Variants in MAP2 observed in about 807,000 individuals in gnomAD.
The protein encoded by MAP2 is microtubule-associated protein 2.
MAP2 carries 14 observed loss-of-function variants against 137.6 expected under a neutral mutation model. That is an observed-to-expected ratio of 0.10 (90% CI 0.07 to 0.16). The LOEUF is 0.16. MAP2 is among the 10% of genes least tolerant of loss of function. The pLI is 1.00. For synonymous variants in MAP2, 786 were observed against 782.3 expected, an observed-to-expected ratio of 1.00 and a Z score of -0.08; for missense variants, 2,088 against 2,191.5, an observed-to-expected ratio of 0.95 and a Z score of 0.94.
chr2:209,453,788 C>T (rs1700837297), intron 1 of MAP2, among the ~76,000 whole-genome samples: 1 of 152,014 alleles, frequency 6.6e-6, no homozygotes, highest in Admixed American at 6.6e-5. Context: ...ACATGAGTCA[C>T]TATCTTAATG....
intron 3 of MAP2, among the ~76,000 whole-genome samples, chr2:209,608,680 A>C (rs1045997517): frequency 6.6e-6 from 1 of 152,148 alleles, no homozygotes; most frequent in African/African-American, 2.4e-5. Flanking sequence ...GTGAAACACA[A>C]CTAATTATAT....
intron 1 of MAP2, among the ~76,000 whole-genome samples, chr2:209,492,225 G>T (rs1042767333): frequency 6.6e-6 from 1 of 152,156 alleles, no homozygotes; most frequent in Non-Finnish European, 1.5e-5. Context: ...AAAGGCCTTT[G>T]ATAAAATTCA....
Position 209,716,270 on chromosome 2 carries a change from T to C in MAP2, c.5073+6016T>C, listed in dbSNP as rs77261866. Among the ~76,000 whole-genome samples the C allele has an allele frequency of 7.6e-3, 1,151 of 152,328 alleles. 17 individuals carry two copies. The highest frequency in any genetic ancestry group is 0.026 in the African/African-American group (1,070 of 41,576). ...CATTTTGTCCATAATGTCCCATACA[T>C]AGTAGGTGCTCAATAAATATGCAGT... On this transcript the variant is annotated intron_variant, in intron 13 of 15. Transcript: ENST00000682079.
At chr2:209,601,858 A>G (rs1343976422) in intron 3 of MAP2, among the ~76,000 whole-genome samples, 1 of 152,220 alleles carries the variant, frequency 6.6e-6, no homozygotes, top group Non-Finnish European at 1.5e-5. Flanking sequence ...TGATTTTTAA[A>G]GTCTCACCCT....
At chr2:209,495,624 A>G (rs1470276880) in intron 1 of MAP2, among the ~76,000 whole-genome samples, 1 of 152,236 alleles carries the variant, frequency 6.6e-6, no homozygotes, top group Non-Finnish European at 1.5e-5. Flanking sequence ...ACTAACAAAC[A>G]GAAAGGTACT....
At chr2:209,455,856 C>T (rs555328255) in intron 1 of MAP2, among the ~76,000 whole-genome samples, 5 of 152,236 alleles carry the variant, frequency 3.3e-5, no homozygotes, top group South Asian at 2.1e-4. Flanking sequence ...ATTATCCTTG[C>T]GAGTACTAGC....
chr2:209,523,860 C>T (rs181399246), intron 2 of MAP2, among the ~76,000 whole-genome samples: 44 of 152,136 alleles, frequency 2.9e-4, no homozygotes, highest in African/African-American at 1.0e-3. Context: ...TTTTGAAAAG[C>T]GATGACTAAC....
intron 6 of MAP2, among the ~76,000 whole-genome samples, chr2:209,679,626 A>C (rs2053656487): frequency 6.6e-6 from 1 of 152,084 alleles, no homozygotes; most frequent in South Asian, 2.1e-4. Flanking sequence ...TGTCTATTAA[A>C]AAGTAAGTAA....
rs543890865 is a variant in MAP2, at chr2:209,513,247, C to T, written c.-172+5606C>T. Reference sequence around the variant, plus strand: ...AACTTCCAGTACCTTCTCAGGGAGACGCTATATTTCTCTTCCAACTTGCTT... The same window carrying T: ...AACTTCCAGTACCTTCTCAGGGAGATGCTATATTTCTCTTCCAACTTGCTT... On this transcript the variant is annotated intron_variant, in intron 2 of 15. Coordinates refer to ENST00000682079, the MANE Select transcript of MAP2 (RefSeq NM_001375505.1). 8.0e-4 allele frequency among the ~76,000 whole-genome samples: 122 copies of T among 152,188 alleles called. 2 individuals are homozygous for T. The South Asian group carries it at 0.017, about 21-fold the overall frequency.
intron 3 of MAP2, among the ~76,000 whole-genome samples, chr2:209,607,437 G>A (rs749541552): frequency 6.6e-6 from 1 of 152,090 alleles, no homozygotes; most frequent in Non-Finnish European, 1.5e-5. Context: ...TTGTTTGTTT[G>A]TTTATTTGTT....
At chr2:209,721,562 C>T (rs2070973565) in intron 13 of MAP2, among the ~76,000 whole-genome samples, 1 of 152,092 alleles carries the variant, frequency 6.6e-6, no homozygotes, top group Non-Finnish European at 1.5e-5. Context: ...TCTAAATAAT[C>T]TCTTAATAAT....
chr2:209,681,672 A>G (rs553797803), intron 7 of MAP2, among the ~76,000 whole-genome samples: 11 of 152,330 alleles, frequency 7.2e-5, no homozygotes, highest in African/African-American at 2.6e-4. Context: ...TAGTTTTCAT[A>G]TATTAAAACC....
In MAP2 at chr2:209,732,457, T is replaced by A. The variant is rs2075897566; in HGVS notation, c.*2060T>A. ...CCTTAGAAACCTTAGGATCATTATA[T>A]CTATTTTCTGCCTATTAATTGCTGT... On this transcript the variant is annotated 3_prime_UTR_variant, in exon 16 of 16. Coordinates refer to ENST00000682079, the MANE Select transcript of MAP2 (RefSeq NM_001375505.1). 6.6e-6 allele frequency: 1 copy of A among 152,218 alleles called. No individual in the cohort carries two copies. Among genetic ancestry groups the A allele is most frequent in the Non-Finnish European group, 1.5e-5 (1 of 68,040 alleles). The allele number at this position is 152,218 out of a possible 1,614,324, so 9.4% of individuals were successfully genotyped here.
At chr2:209,496,064 C>T (rs1423081639) in intron 1 of MAP2, among the ~76,000 whole-genome samples, 1 of 152,136 alleles carries the variant, frequency 6.6e-6, no homozygotes, top group African/African-American at 2.4e-5. Context: ...CAGAACATTC[C>T]ATTAAGAGCC....
intron 1 of MAP2, among the ~76,000 whole-genome samples, chr2:209,469,601 T>TAA (rs748175552): frequency 9.2e-5 from 14 of 152,270 alleles, no homozygotes; most frequent in Non-Finnish European, 1.9e-4. Flanking sequence ...TATCCTTTCT[T>TAA]ACTCTCCCTC....
intron 3 of MAP2, among the ~76,000 whole-genome samples, chr2:209,617,243 C>G (rs1464341666): frequency 1.3e-5 from 2 of 152,118 alleles, no homozygotes; most frequent in African/African-American, 4.8e-5. Flanking sequence ...CAGAAAGAAA[C>G]TGCTTCCTAG....
At chr2:209,499,868 C>T (rs2060178229) in intron 1 of MAP2, among the ~76,000 whole-genome samples, 2 of 152,108 alleles carry the variant, frequency 1.3e-5, no homozygotes, top group Non-Finnish European at 2.9e-5. Flanking sequence ...GAAGACAGCA[C>T]CAAGCCATGA....
At chr2:209,517,592 A>T (rs1295255463) in intron 2 of MAP2, among the ~76,000 whole-genome samples, 1 of 152,054 alleles carries the variant, frequency 6.6e-6, no homozygotes, top group South Asian at 2.1e-4. Flanking sequence ...TCTATCTCGT[A>T]AAGCCCACAT....
At chr2:209,566,271 A>T (rs1051221097) in intron 2 of MAP2, among the ~76,000 whole-genome samples, 4 of 152,204 alleles carry the variant, frequency 2.6e-5, no homozygotes, top group African/African-American at 9.6e-5. Context: ...AAATTCTGGA[A>T]TAATGCTGAT....
Sources: gnomAD v4.1 joint callset for allele counts (sites outside exome capture counted in the v4.1 genomes callset) on GRCh38, gnomAD v4.1.1 for gene constraint, MANE v1.5 for transcripts, NCBI Gene and HGNC (gene_info 2026-07-23, HGNC 2026-07-21) for gene names.